The following YTHDF3 variants were observed in gnomAD, a reference collection of about 807,000 sequenced individuals.
YTHDF3 encodes YTH domain-containing family protein 3.
In YTHDF3, 9 loss-of-function variants were observed where a neutral mutation model predicts 52.5. The observed-to-expected ratio is 0.17, with a 90% CI of 0.10 to 0.30. The LOEUF (loss-of-function observed/expected upper bound fraction) is 0.30, where lower values mean the gene tolerates loss of function less well. Ranked by LOEUF, YTHDF3 falls within the 10% of genes least tolerant of loss-of-function variation. The pLI, the probability that YTHDF3 is intolerant of heterozygous loss-of-function variation, is 1.00. For synonymous variants in YTHDF3, 274 were observed against 243.3 expected (o/e 1.13, Z -1.18); for missense variants, 534 against 715.0 (o/e 0.75, Z 2.89).
intron 2 of YTHDF3, 85 bp from the exon 3 acceptor site, chr8:63,175,246 G>T: frequency 2.1e-6 from 2 of 967,144 alleles, no homozygotes; most frequent in Non-Finnish European, 1.5e-6. Flanking sequence ...TACTTTTTTT[G>T]GCTTGAAAAA....
At chr8:63,201,928 C>T (rs772603661) in intron 4 of YTHDF3, among the ~76,000 whole-genome samples, 24 of 152,110 alleles carry the variant, frequency 1.6e-4, no homozygotes, top group Non-Finnish European at 1.9e-4. Context: ...GTCTTTTTTC[C>T]TGAGATTTCT....
chr8:63,180,769 G>A (rs1274412986), intron 3 of YTHDF3, among the ~76,000 whole-genome samples: 1 of 152,258 alleles, frequency 6.6e-6, no homozygotes, highest in Non-Finnish European at 1.5e-5. Flanking sequence ...GTTAGGAGCT[G>A]GAGACCAGCC....
At chr8:63,207,247 G>A (rs1024651713) in intron 4 of YTHDF3, among the ~76,000 whole-genome samples, 1 of 152,108 alleles carries the variant, frequency 6.6e-6, no homozygotes, top group Non-Finnish European at 1.5e-5. Flanking sequence ...TAGTATAGTT[G>A]TATGAGTCTT....
rs140573298 is a variant in YTHDF3 at position 63,209,841 on chromosome 8, C to T, written c.*135C>T. Reference sequence around the variant, plus strand: ...TTTGAACACTTTAACACAAAGTTGACTCTTCTCGTAATGGTTTTCATCAGC... The same window carrying T: ...TTTGAACACTTTAACACAAAGTTGATTCTTCTCGTAATGGTTTTCATCAGC... On this transcript the variant is annotated 3_prime_UTR_variant, in exon 5 of 5. Coordinates refer to ENST00000539294, the MANE Select transcript of YTHDF3 (RefSeq NM_152758.6). 11 of 849,454 alleles carry T rather than the reference C, an allele frequency of 1.3e-5. No homozygotes were observed. In the East Asian group the frequency reaches 3.0e-4, roughly 23 times the overall value. 52.6% of individuals were successfully genotyped at this position (849,454 alleles called of 1,614,324 possible).
Position 63,187,169 on chromosome 8 carries a change from T to A in YTHDF3, c.1158T>A (p.Pro386=). The change falls in exon 4 of 5, where the codon CCT becomes CCA. Residue 386 remains proline, a synonymous_variant. Coordinates refer to ENST00000539294, the MANE Select transcript of YTHDF3 (RefSeq NM_152758.6). ...GLGVVPVSAS[P]SSVEVHPVLE... is the part of the protein sequence containing the mutation. ...GTGTTGTACCTGTCAGTGCTTCACCTTCTAGTGTAGAAGTGCATCCCGTGC... is the reference window on the plus strand; with the variant it reads ...GTGTTGTACCTGTCAGTGCTTCACCATCTAGTGTAGAAGTGCATCCCGTGC... 6.2e-7 allele frequency: 1 copy of A among 1,613,986 alleles called. No homozygotes were observed. Among genetic ancestry groups the A allele is most frequent in the Non-Finnish European group, 8.5e-7 (1 of 1,179,876 alleles).
intron 2 of YTHDF3, among the ~76,000 whole-genome samples, chr8:63,170,175 A>G (rs1807216128): frequency 6.6e-6 from 1 of 152,224 alleles, no homozygotes; most frequent in African/African-American, 2.4e-5. Flanking sequence ...CTTTCTTGGG[A>G]TAGTGCCAAT....
Position 63,186,946 on chromosome 8 carries a change from C to T in YTHDF3, c.935C>T (p.Pro312Leu). ...QQPQPLIQPP[P>L]LVQSQLPQQQ... is the part of the protein sequence containing the mutation. Reference sequence around the variant, plus strand: ...CCTCAGCCATTAATTCAACCACCACCATTGGTGCAAAGCCAACTGCCTCAA... The same window carrying T: ...CCTCAGCCATTAATTCAACCACCACTATTGGTGCAAAGCCAACTGCCTCAA... The change falls in exon 4 of 5, where the codon CCA (proline) becomes CTA (leucine). Residue 312 changes from proline (P) to leucine (L), a missense_variant. Pro to Leu is a moderately conservative substitution (Grantham distance 98). Around this residue, in one of 3 missense-constraint regions of YTHDF3, gnomAD observed 203 missense variants for 201.3 expected, o/e 1.01. Coordinates refer to ENST00000539294, the MANE Select transcript of YTHDF3 (RefSeq NM_152758.6). 3.1e-6 allele frequency: 5 copies of T among 1,613,924 alleles called. No individual in the cohort carries two copies. Among genetic ancestry groups the T allele is most frequent in the Non-Finnish European group, 4.2e-6 (5 of 1,179,842 alleles).
rs1354316320 is a variant in YTHDF3, at chr8:63,187,079, T to C, written c.1068T>C (p.Ala356=). The C allele has an allele frequency of 1.2e-6, 2 of 1,613,644 alleles. No individual in the cohort carries two copies. The change falls in exon 4 of 5, where the codon GCT becomes GCC. Residue 356 remains alanine, a synonymous_variant. Transcript: ENST00000539294. ...QQQQLQNRWV[A]PRNRGAGFNQ... is the part of the protein sequence containing the mutation. ...AGCAGCTGCAGAATCGCTGGGTAGC[T>C]CCTCGTAACAGGGGAGCAGGCTTCA...
chr8:63,178,066 T>C (rs1389602652), intron 3 of YTHDF3, among the ~76,000 whole-genome samples: 1 of 152,216 alleles, frequency 6.6e-6, no homozygotes, highest in Non-Finnish European at 1.5e-5. Flanking sequence ...CCATTCAAAC[T>C]CTTTTTTAAG....
intron 4 of YTHDF3, among the ~76,000 whole-genome samples, chr8:63,199,368 A>G (rs1040219069): frequency 6.6e-6 from 1 of 152,196 alleles, no homozygotes; most frequent in African/African-American, 2.4e-5. Context: ...CTCCCTCCAT[A>G]TAGGCATGTT....
chr8:63,203,432 A>G (rs1432074884), intron 4 of YTHDF3, among the ~76,000 whole-genome samples: 1 of 152,218 alleles, frequency 6.6e-6, no homozygotes, highest in African/African-American at 2.4e-5. Context: ...TGGTAGTTGT[A>G]TGCAAGTTAT....
chr8:63,183,331 TGA>T (rs978547132), intron 3 of YTHDF3, among the ~76,000 whole-genome samples: 1 of 152,212 alleles, frequency 6.6e-6, no homozygotes. Flanking sequence ...ATTAAACTTT[TGA>T]GAGTTTTTTT....
Position 63,169,400 on chromosome 8 carries a change from A to G in YTHDF3, c.38A>G (p.Gln13Arg), listed in dbSNP as rs1807128042. The change falls in exon 2 of 5, where the codon CAA (glutamine) becomes CGA (arginine). Residue 13 changes from glutamine to arginine, a missense_variant. Transcript: ENST00000539294. ...CTTGCAACACAGAGACCTAAAGGGC[A>G]AGGAAATAAAGGTGAGTTTGGATTT... ...ATSVDQRPKGQGNKVSVQNGS... is the reference protein window; with the variant it reads ...ATSVDQRPKGRGNKVSVQNGS... 6.2e-7 allele frequency: 1 copy of G among 1,601,204 alleles called. No individual in the cohort carries two copies. Among genetic ancestry groups the G allele is most frequent in the East Asian group, 2.2e-5 (1 of 44,678 alleles).
At chr8:63,195,731 C>CATGT (rs759138023) in intron 4 of YTHDF3, among the ~76,000 whole-genome samples, 1 of 145,266 alleles carries the variant, frequency 6.9e-6, no homozygotes, top group Admixed American at 6.8e-5. Flanking sequence ...CATGTATTTA[C>CATGT]GTGTGTGTGT....
chr8:63,204,281 A>G (rs1809837978), intron 4 of YTHDF3, among the ~76,000 whole-genome samples: 1 of 150,336 alleles, frequency 6.7e-6, no homozygotes, highest in Non-Finnish European at 1.5e-5. Context: ...GGCAGCGACC[A>G]TTTCTCCCTT....
At chr8:63,176,776 C>T (rs1387463983) in intron 3 of YTHDF3, among the ~76,000 whole-genome samples, 1 of 151,988 alleles carries the variant, frequency 6.6e-6, no homozygotes, top group Non-Finnish European at 1.5e-5. Flanking sequence ...CTCCCAGGCT[C>T]AAGTGATTCT....
At chr8:63,209,662 T>C (rs773813725) in intron 4 of YTHDF3, 21 bp from the exon 5 acceptor site, 1 of 1,559,598 alleles carries the variant, frequency 6.4e-7, no homozygotes, top group South Asian at 1.2e-5. Flanking sequence ...TTTTTGTGTG[T>C]GTGTGTTTTT....
chr8:63,179,537 A>G (rs1191974511), intron 3 of YTHDF3, among the ~76,000 whole-genome samples: 2 of 152,160 alleles, frequency 1.3e-5, no homozygotes, highest in Admixed American at 6.5e-5. Context: ...GGTTGGGGGT[A>G]AGGTCACAGA....
rs947970396 is a variant in YTHDF3 at position 63,173,213 on chromosome 8, T to TATATATATATATATATACAC, written c.50-2117_50-2116insTATATATATATATATACACA. On this transcript the variant is annotated intron_variant, in intron 2 of 4. Coordinates refer to ENST00000539294, the MANE Select transcript of YTHDF3 (RefSeq NM_152758.6). ...TAACAGGATTATATTTATATATATATACAGATAAATTTTAAGTAAGTACTT... is the reference window on the plus strand; with the variant it reads ...TAACAGGATTATATTTATATATATATATATATATATATATATACACACAGATAAATTTTAAGTAAGTACTT... 1.1e-4 allele frequency among the ~76,000 whole-genome samples: 16 copies of TATATATATATATATATACAC among 146,138 alleles called. 1 individual carries two copies. The highest frequency in any genetic ancestry group is 4.0e-4 in the African/African-American group (15 of 37,840).
Sources: allele counts gnomAD v4.1 joint callset (sites outside exome capture counted in the v4.1 genomes callset), GRCh38; gene constraint gnomAD v4.1.1; regional missense constraint gnomAD v4.1.1; transcripts MANE v1.5; gene names NCBI Gene and HGNC (gene_info 2026-07-23, HGNC 2026-07-21).